SEMA3E: variants seen among roughly 807,000 people sequenced by gnomAD.
SEMA3E encodes semaphorin 3E.
Under a neutral mutation model 93.6 loss-of-function variants are expected in SEMA3E, and 49 were observed. That is an observed-to-expected ratio of 0.52 (90% CI 0.42 to 0.66). The LOEUF (loss-of-function observed/expected upper bound fraction) is 0.66, where lower values mean the gene tolerates loss of function less well. Among genes scored for constraint, SEMA3E ranks in the 30% least tolerant of loss-of-function variants. The pLI is 0.00. For missense variants in SEMA3E, 906 were observed against 964.8 expected (o/e 0.94, Z 0.81); for synonymous variants, 363 against 330.7 (o/e 1.10, Z -1.06).
chr7:83,482,564 C>CAAAAAAAAAAAAAA (rs11429680), intron 2 of SEMA3E, among the ~76,000 whole-genome samples: 32 of 80,224 alleles, frequency 4.0e-4, no homozygotes, highest in African/African-American at 1.8e-3. Context: ...CACTCCGTCT[C>CAAAAAAAAAAAAAA]AAAAAAAAAA....
In SEMA3E at chr7:83,643,832, G is replaced by T. The variant is rs536108321; in HGVS notation, c.115+4596C>A. On this transcript the variant is annotated intron_variant, in intron 1 of 16. Coordinates refer to ENST00000643230, the MANE Select transcript of SEMA3E (RefSeq NM_012431.3). Reference sequence around the variant, plus strand: ...CTCTCCCTGAAGCTCTGGGCACATAGGCTAGTGTTTCCTCCTGGGTCCTAT... The same window carrying T: ...CTCTCCCTGAAGCTCTGGGCACATATGCTAGTGTTTCCTCCTGGGTCCTAT... Among the ~76,000 whole-genome samples, 5 of 151,960 alleles carry T rather than the reference G, an allele frequency of 3.3e-5. No individual in the cohort carries two copies. The East Asian group carries it at 9.7e-4, about 29-fold the overall frequency.
At chr7:83,394,374 C>T (rs1418520008) in intron 12 of SEMA3E, 36 bp from the exon 13 acceptor site, 2 of 1,556,322 alleles carry the variant, frequency 1.3e-6, no homozygotes, top group Admixed American at 3.4e-5. Flanking sequence ...TTTAAGAAAA[C>T]AGTATAAAAA....
chr7:83,400,221 G>A lies in SEMA3E; in HGVS notation c.1173C>T (p.Tyr391=), dbSNP rs370540865. The A allele has an allele frequency of 1.6e-5, 26 of 1,613,706 alleles. No homozygotes were observed. The highest frequency in any genetic ancestry group is 5.3e-5 in the African/African-American group (4 of 74,858). The change falls in exon 11 of 17, where the codon TAC becomes TAT. Residue 391 remains tyrosine (Y), a synonymous_variant. Transcript: ENST00000643230. ...SCASKVNGGR[Y]GTTKDYPDDA... The stretch of plus-strand genomic sequence containing the variant: ...CATCAGGATAGTCCTTGGTGGTTCC[G>A]TATCTCCCTCCATTTACTTTGCTGG...
intron 1 of SEMA3E, among the ~76,000 whole-genome samples, chr7:83,494,927 C>T (rs969829746): frequency 6.6e-6 from 1 of 151,786 alleles, no homozygotes; most frequent in Non-Finnish European, 1.5e-5. Context: ...AACAATTATC[C>T]ATCTGCGGTT....
intron 4 of SEMA3E, among the ~76,000 whole-genome samples, chr7:83,449,201 G>A (rs1789301554): frequency 6.6e-6 from 1 of 151,848 alleles, no homozygotes; most frequent in South Asian, 2.1e-4. Flanking sequence ...CTGGGCTCAA[G>A]TGATCCTGCT....
At chr7:83,612,170 C>T (rs1442521928) in intron 1 of SEMA3E, among the ~76,000 whole-genome samples, 5 of 152,094 alleles carry the variant, frequency 3.3e-5, no homozygotes, top group Admixed American at 3.3e-4. Context: ...ACACTCTAAT[C>T]CTCTTAATCT....
chr7:83,561,402 A>G (rs558401572), intron 1 of SEMA3E, among the ~76,000 whole-genome samples: 52 of 152,160 alleles, frequency 3.4e-4, no homozygotes, highest in African/African-American at 1.1e-3. Flanking sequence ...CTTCCTTCCA[A>G]AATAATTTCA....
chr7:83,531,905 T>A (rs1245417563), intron 1 of SEMA3E, among the ~76,000 whole-genome samples: 4 of 152,168 alleles, frequency 2.6e-5, no homozygotes, highest in African/African-American at 9.6e-5. Context: ...TTGGCACCTA[T>A]GAAAATAATT....
At chr7:83,410,838 G>T (rs754426678) in intron 5 of SEMA3E, among the ~76,000 whole-genome samples, 58 of 151,964 alleles carry the variant, frequency 3.8e-4, no homozygotes, top group Non-Finnish European at 1.3e-4. Flanking sequence ...TATTATAGTT[G>T]AGTTATGTTT....
At chr7:83,601,624 C>A (rs1183875761) in intron 1 of SEMA3E, among the ~76,000 whole-genome samples, 2 of 152,044 alleles carry the variant, frequency 1.3e-5, no homozygotes, top group African/African-American at 4.8e-5. Context: ...TGAGAGATAG[C>A]AATTAATGTT....
chr7:83,604,471 T>C (rs952615696), intron 1 of SEMA3E, among the ~76,000 whole-genome samples: 1 of 150,028 alleles, frequency 6.7e-6, no homozygotes, highest in Non-Finnish European at 1.5e-5. Flanking sequence ...AAATTAACAA[T>C]TTTAAAAATG....
At chr7:83,464,844 C>T (rs1043043975) in intron 4 of SEMA3E, among the ~76,000 whole-genome samples, 3 of 149,118 alleles carry the variant, frequency 2.0e-5, no homozygotes, top group African/African-American at 4.9e-5. Context: ...AGAAACATCG[C>T]CCATTCTCTC....
chr7:83,490,335 C>T (rs1790356477), intron 1 of SEMA3E, 61 bp from the exon 2 acceptor site: 3 of 1,536,840 alleles, frequency 2.0e-6, no homozygotes, highest in East Asian at 2.3e-5. Context: ...CTTTATCACC[C>T]TTTTCTCATA....
At chr7:83,646,684 T>G (rs1331366023) in intron 1 of SEMA3E, among the ~76,000 whole-genome samples, 2 of 152,072 alleles carry the variant, frequency 1.3e-5, no homozygotes, top group African/African-American at 2.4e-5. Flanking sequence ...CAATTATTTC[T>G]TTGAATATAA....
At chr7:83,550,469 C>T (rs1419427279) in intron 1 of SEMA3E, among the ~76,000 whole-genome samples, 11 of 152,036 alleles carry the variant, frequency 7.2e-5, no homozygotes, top group Admixed American at 7.2e-4. Flanking sequence ...AGGGTTGTTG[C>T]TCTTCCTTCT....
chr7:83,560,782 G>C (rs1328280856), intron 1 of SEMA3E, among the ~76,000 whole-genome samples: 1 of 151,382 alleles, frequency 6.6e-6, no homozygotes, highest in African/African-American at 2.4e-5. Context: ...AATGAACTTT[G>C]CCATCAGAAA....
chr7:83,465,193 G>A (rs1196822557), intron 4 of SEMA3E, among the ~76,000 whole-genome samples: 2 of 151,158 alleles, frequency 1.3e-5, no homozygotes, highest in African/African-American at 2.4e-5. Flanking sequence ...CCCCACTCCT[G>A]CCCACCAGAG....
At chr7:83,545,538 T>C (rs1207107968) in intron 1 of SEMA3E, among the ~76,000 whole-genome samples, 4 of 122,440 alleles carry the variant, frequency 3.3e-5, no homozygotes, top group Non-Finnish European at 6.6e-5. Context: ...AGGTCAAAAC[T>C]GTTGAAGAGA....
chr7:83,415,097 A>G (rs1419367789), intron 5 of SEMA3E, among the ~76,000 whole-genome samples: 2 of 152,150 alleles, frequency 1.3e-5, no homozygotes, highest in Non-Finnish European at 1.5e-5. Flanking sequence ...TTATTTGGCC[A>G]CTTACCAAAC....
Sources: gnomAD v4.1 joint callset for allele counts (sites outside exome capture counted in the v4.1 genomes callset) on GRCh38, gnomAD v4.1.1 for gene constraint, MANE v1.5 for transcripts, NCBI Gene and HGNC (gene_info 2026-07-23, HGNC 2026-07-21) for gene names.